FH: variants seen among roughly 807,000 people sequenced by gnomAD.
The protein encoded by FH is fumarate hydratase, mitochondrial.
Under a neutral mutation model 49.4 loss-of-function variants are expected in FH, and 22 were observed. The observed-to-expected ratio is 0.45, with a 90% CI of 0.32 to 0.64. The LOEUF (loss-of-function observed/expected upper bound fraction) is 0.64, where lower values mean the gene tolerates loss of function less well. Among genes scored for constraint, FH ranks in the 30% least tolerant of loss-of-function variants. FH has a pLI of 0.05. For missense variants in FH, 526 were observed against 641.5 expected (o/e 0.82, Z 1.95); for synonymous variants, 208 against 223.0 (o/e 0.93, Z 0.60).
rs753773918 is a variant in FH at position 241,508,658 on chromosome 1, A to G, written c.683T>C (p.Ile228Thr). ...AGTATGAGTACGTCCAATCTTGATG[A>G]TCTGTGCAAACTCTTTGGATTTTGC... ...LDAKSKEFAQ[I>T]IKIGRTHTQD... The change falls in exon 5 of 10, where the codon ATC (isoleucine) becomes ACC (threonine). Residue 228 changes from isoleucine to threonine, a missense_variant. Transcript: ENST00000366560. 1 of 1,613,800 alleles carries G rather than the reference A, an allele frequency of 6.2e-7. No homozygotes were observed. Among genetic ancestry groups the G allele is most frequent in the African/African-American group, 1.3e-5 (1 of 75,036 alleles).
In FH at chr1:241,512,025, C is replaced by T. The variant is rs746612719; in HGVS notation, c.497G>A (p.Gly166Glu). The change falls in exon 4 of 10, where the codon GGA (glycine) becomes GAA (glutamate). Residue 166 changes from glycine to glutamate, a missense_variant. Transcript: ENST00000366560. ...VISNRAIEML[G>E]GELGSKIPVH... ...AGGTATCTTGCTGCCAAGTTCACCT[C>T]CTAACATTTCAATTGCTCTATTGCT... 5.0e-6 allele frequency: 8 copies of T among 1,613,988 alleles called. No homozygotes were observed. The highest frequency in any genetic ancestry group is 6.8e-6 in the Non-Finnish European group (8 of 1,179,930).
chr1:241,511,897 G>A, intron 4 of FH, 70 bp downstream of exon 4: 3 of 1,458,808 alleles, frequency 2.1e-6, no homozygotes, highest in East Asian at 2.3e-5. Flanking sequence ...GTGAATGCTT[G>A]TTTTACAAGA....
At chr1:241,510,701 G>A (rs555680244) in intron 4 of FH, among the ~76,000 whole-genome samples, 7 of 152,198 alleles carry the variant, frequency 4.6e-5, no homozygotes, top group South Asian at 2.1e-4. Flanking sequence ...TCAAGGTAGC[G>A]CGCTATTAAT....
intron 4 of FH, among the ~76,000 whole-genome samples, chr1:241,509,641 C>G (rs910983914): frequency 1.3e-5 from 2 of 152,142 alleles, no homozygotes; most frequent in African/African-American, 4.8e-5. Flanking sequence ...CCAGGCATGG[C>G]GGTGCATGCC....
chr1:241,502,525 G>A lies in FH; in HGVS notation c.1154C>T (p.Ala385Val). The A allele has an allele frequency of 1.2e-6, 2 of 1,614,132 alleles. No homozygotes were observed. The highest frequency in any genetic ancestry group is 1.3e-5 in the African/African-American group (1 of 75,058). ...AGCAACATGGTTCCCCATGACTTGG[G>A]CTGCAACCATGGTCATTGCTTCACA... ...TQCEAMTMVA[A>V]QVMGNHVAVT... is the part of the protein sequence containing the mutation. Residue 385 changes from alanine to valine, a missense_variant, in exon 8 of 10, where the codon GCC becomes GTC. This residue lies in a region of FH where 383 missense variants were observed against 514.0 expected (regional missense o/e 0.75). Coordinates refer to ENST00000366560, the MANE Select transcript of FH (RefSeq NM_000143.4).
chr1:241,515,070 G>A (rs1365785944), intron 2 of FH, among the ~76,000 whole-genome samples: 1 of 152,056 alleles, frequency 6.6e-6, no homozygotes, highest in Non-Finnish European at 1.5e-5. Flanking sequence ...AGAAAAGACA[G>A]GTCACTTTAT....
Position 241,513,561 on chromosome 1 carries a change from T to C in FH, c.378+42A>G, listed in dbSNP as rs141270774. On this transcript the variant is annotated intron_variant, in intron 3 of 9. Coordinates refer to ENST00000366560, the MANE Select transcript of FH (RefSeq NM_000143.4). ...GCATATCGTCATCCAGAGTATGGCA[T>C]GGGTCTGAGGTTATTAAGCAAACAC... is the stretch of plus-strand genomic sequence containing the variant. The C allele has an allele frequency of 6.5e-6, 9 of 1,392,250 alleles. No homozygotes were observed. The South Asian group carries it at 9.2e-5, about 14-fold the overall frequency. 86.2% of individuals were successfully genotyped at this position (1,392,250 alleles called of 1,614,324 possible).
At chr1:241,516,871 T>G (rs1326692965) in intron 2 of FH, among the ~76,000 whole-genome samples, 3 of 151,674 alleles carry the variant, frequency 2.0e-5, no homozygotes, top group African/African-American at 7.3e-5. Flanking sequence ...CAGGATGGTC[T>G]CGATCTCTTG....
intron 5 of FH, among the ~76,000 whole-genome samples, chr1:241,506,778 G>A (rs1174861341): frequency 2.0e-5 from 3 of 152,148 alleles, no homozygotes; most frequent in Non-Finnish European, 4.4e-5. Context: ...TAGCATCAAT[G>A]TGCCAATGTC....
At chr1:241,512,910 GGT>G (rs10548903) in intron 3 of FH, among the ~76,000 whole-genome samples, 38,038 of 148,148 alleles carry the variant, frequency 0.26, 5,052 homozygotes, top group South Asian at 0.45. Flanking sequence ...ATGCAATGAG[GGT>G]GTGTGTGTGT....
rs2147913198 is a variant in FH at position 241,500,520 on chromosome 1, A to G, written c.1307T>C (p.Val436Ala). 6.2e-7 allele frequency: 1 copy of G among 1,613,424 alleles called. No homozygotes were observed. Among genetic ancestry groups the G allele is most frequent in the Non-Finnish European group, 8.5e-7 (1 of 1,179,840 alleles). The change falls in exon 9 of 10, where the codon GTG (valine) becomes GCG (alanine). Residue 436 changes from valine (V) to alanine (A), a missense_variant. Val to Ala is a moderately conservative substitution (Grantham distance 64). Around this residue, in one of 2 missense-constraint regions of FH, gnomAD observed 383 missense variants for 514.0 expected, o/e 0.75. Coordinates refer to ENST00000366560, the MANE Select transcript of FH (RefSeq NM_000143.4). ...CCTTTCTGTATTGGCCTGGATTCCC[A>G]CCACGCAGTTTTCTGTAAAGGAAAC... ...ASVSFTENCV[V>A]GIQANTERIN...
In FH at chr1:241,512,159, T is replaced by A. The variant is rs2147922056; in HGVS notation, c.379-16A>T. On this transcript the variant is annotated splice_polypyrimidine_tract_variant and intron_variant, in intron 3 of 9. Transcript: ENST00000366560. ...CTTCAGCTACCTGCAGAAAAAATGT[T>A]AAAAATGTATTTTAAAAAAGGAAAT... 9 of 1,609,272 alleles carry A rather than the reference T, an allele frequency of 5.6e-6. No individual in the cohort carries two copies. The highest frequency in any genetic ancestry group is 7.7e-6 in the Non-Finnish European group (9 of 1,175,900).
chr1:241,514,794 A>G (rs1380044016), intron 2 of FH, among the ~76,000 whole-genome samples: 1 of 152,198 alleles, frequency 6.6e-6, no homozygotes, highest in Non-Finnish European at 1.5e-5. Context: ...TTTGACTCAA[A>G]CGAAATGAGG....
chr1:241,511,689 G>C (rs1660087483), intron 4 of FH, among the ~76,000 whole-genome samples: 1 of 151,978 alleles, frequency 6.6e-6, no homozygotes, highest in Non-Finnish European at 1.5e-5. Flanking sequence ...GAAACTATTT[G>C]AACTATCTTT....
In FH at chr1:241,513,648, A is replaced by G. The variant is rs1431869409; in HGVS notation, c.333T>C (p.Gly111=). The G allele has an allele frequency of 1.2e-6, 2 of 1,614,096 alleles. No homozygotes were observed. Among genetic ancestry groups the G allele is most frequent in the South Asian group, 2.2e-5 (2 of 91,068 alleles). Residue 111 remains glycine (G), a synonymous_variant, in exon 3 of 10, where the codon GGT becomes GGC. Coordinates refer to ENST00000366560, the MANE Select transcript of FH (RefSeq NM_000143.4). Reference sequence around the variant, plus strand: ...TTGCATTAGCAATCTTTGGATCAAGACCATAATCCTGGTTTACTTCAGCGG... The same window carrying G: ...TTGCATTAGCAATCTTTGGATCAAGGCCATAATCCTGGTTTACTTCAGCGG... ...RAAAEVNQDY[G]LDPKIANAIM...
intron 7 of FH, 81 bp downstream of exon 7, chr1:241,503,960 CA>C (rs1258151555): frequency 4.3e-6 from 6 of 1,399,118 alleles, no homozygotes; most frequent in African/African-American, 4.3e-5. Context: ...TAACTTTAAA[CA>C]AAGAGAGACA....
intron 9 of FH, among the ~76,000 whole-genome samples, chr1:241,499,937 T>C (rs1248022055): frequency 6.6e-6 from 1 of 152,232 alleles, no homozygotes; most frequent in Non-Finnish European, 1.5e-5. Flanking sequence ...TGCATTTTCC[T>C]TCCTCCCTTT....
chr1:241,505,307 C>CTAAA (rs1659883220), intron 6 of FH, among the ~76,000 whole-genome samples: 1 of 152,114 alleles, frequency 6.6e-6, no homozygotes, highest in Non-Finnish European at 1.5e-5. Flanking sequence ...AAACAGTGTG[C>CTAAA]TAAAATGAGT....
chr1:241,519,568 G>C lies in FH; in HGVS notation c.132+23C>G, dbSNP rs199773298. 1.2e-5 allele frequency: 19 copies of C among 1,543,366 alleles called. No individual in the cohort carries two copies. In the South Asian group the frequency reaches 2.2e-4, roughly 18 times the overall value. On this transcript the variant is annotated intron_variant, in intron 1 of 9. Transcript: ENST00000366560. ...GGCTGAAGGTCACTGCGGGGAGGCCGGGGGATGGCGGCCTGCGCTCACCAT... is the reference window on the plus strand; with the variant it reads ...GGCTGAAGGTCACTGCGGGGAGGCCCGGGGATGGCGGCCTGCGCTCACCAT...
Sources: allele counts gnomAD v4.1 joint callset (sites outside exome capture counted in the v4.1 genomes callset), GRCh38; gene constraint gnomAD v4.1.1; regional missense constraint gnomAD v4.1.1; transcripts MANE v1.5; gene names NCBI Gene and HGNC (gene_info 2026-07-23, HGNC 2026-07-21).